FGF2: variants seen among roughly 807,000 people sequenced by gnomAD.
FGF2 encodes the protein fibroblast growth factor 2, also known as basic fibroblast growth factor bFGF.
FGF2 carries 13 observed loss-of-function variants against 15.9 expected under a neutral mutation model. That is an observed-to-expected ratio of 0.82 (90% CI 0.53 to 1.30). The LOEUF (loss-of-function observed/expected upper bound fraction) is 1.30. Among genes scored for constraint, FGF2 ranks in the 50% most tolerant of loss-of-function variants. FGF2 has a pLI of 0.00. For missense variants in FGF2, 163 were observed against 196.9 expected, an observed-to-expected ratio of 0.83 and a Z score of 1.03; for synonymous variants, 90 against 78.4, an observed-to-expected ratio of 1.15 and a Z score of -0.78.
intron 2 of FGF2, among the ~76,000 whole-genome samples, chr4:122,880,372 G>A (rs951135616): frequency 3.3e-5 from 5 of 150,452 alleles, no homozygotes; most frequent in South Asian, 2.1e-4. Flanking sequence ...TCAGCCTCCC[G>A]AGCAGCTGAG....
rs45449199 is a variant in FGF2 at position 122,876,827 on chromosome 4, C to T, written c.282+403C>T. Among the ~76,000 whole-genome samples, 1,073 of 152,312 alleles carry T rather than the reference C, an allele frequency of 7.0e-3. 11 individuals are homozygous for T. The highest frequency in any genetic ancestry group is 0.013 in the Non-Finnish European group (871 of 68,024). The stretch of plus-strand genomic sequence containing the variant: ...TCTTTAGAATGTGACGTACAAAACA[C>T]TAGCAATGTAGAACACTAGTTGAGA... On this transcript the variant is annotated intron_variant, in intron 2 of 2. Coordinates refer to ENST00000644866, the MANE Select transcript of FGF2 (RefSeq NM_001361665.2).
chr4:122,893,411 T>G lies in FGF2; in HGVS notation c.*1015T>G. On this transcript the variant is annotated 3_prime_UTR_variant, in exon 3 of 3. Transcript: ENST00000644866. ...ATCCCAAAATATTTTCTTACCACTG[T>G]AAATTCAAGAAGCTTTTGAAATGCT... 1 of 504,898 alleles carries G rather than the reference T, an allele frequency of 2.0e-6. No individual in the cohort carries two copies. The highest frequency in any genetic ancestry group is 4.7e-5 in the South Asian group (1 of 21,122). 31.3% of individuals were successfully genotyped at this position (504,898 alleles called of 1,614,324 possible).
chr4:122,827,065 G>A lies in FGF2; in HGVS notation c.-110G>A. The A allele has an allele frequency of 9.0e-7, 1 of 1,111,790 alleles. No homozygotes were observed. Among genetic ancestry groups the A allele is most frequent in the Non-Finnish European group, 1.1e-6 (1 of 912,490 alleles). 68.9% of individuals were successfully genotyped at this position (1,111,790 alleles called of 1,614,324 possible). A position where few individuals can be genotyped will look rare whatever the true frequency, so the allele number is the denominator to read the frequency against. On this transcript the variant is annotated 5_prime_UTR_variant, in exon 1 of 3. Coordinates refer to ENST00000644866, the MANE Select transcript of FGF2 (RefSeq NM_001361665.2). The surrounding 1 kb of genome is among the most constrained non-coding windows in gnomAD (Gnocchi z 4.2). ...CCGGGCGGGAGGCTGGGGGGCCGGG[G>A]CCGGGGCCGTGCCCCGGAGCGGGTC...
chr4:122,892,490 C>T lies in FGF2; in HGVS notation c.*94C>T. 1.3e-6 allele frequency: 2 copies of T among 1,573,348 alleles called. No individual in the cohort carries two copies. The highest frequency in any genetic ancestry group is 8.6e-7 in the Non-Finnish European group (1 of 1,157,616). ...AGTAAAAGAAAATAAATGTGTATAG[C>T]TCAGTTTGGATAATTGGTCAAACAA... On this transcript the variant is annotated 3_prime_UTR_variant, in exon 3 of 3. Transcript: ENST00000644866.
chr4:122,873,336 G>T (rs1578473496), intron 1 of FGF2, among the ~76,000 whole-genome samples: 1 of 152,332 alleles, frequency 6.6e-6, no homozygotes, highest in East Asian at 1.9e-4. Context: ...TTCTGCAAAG[G>T]CCCAGTGTAC....
In FGF2 at chr4:122,893,407, A is replaced by G. The variant is rs1578485211; in HGVS notation, c.*1011A>G. ...AGAAATCCCAAAATATTTTCTTACC[A>G]CTGTAAATTCAAGAAGCTTTTGAAA... On this transcript the variant is annotated 3_prime_UTR_variant, in exon 3 of 3. Coordinates refer to ENST00000644866, the MANE Select transcript of FGF2 (RefSeq NM_001361665.2). 1.2e-5 allele frequency: 6 copies of G among 514,302 alleles called. No homozygotes were observed. The East Asian group carries it at 1.6e-4, about 14-fold the overall frequency. 31.9% of individuals were successfully genotyped at this position (514,302 alleles called of 1,614,324 possible). A position where few individuals can be genotyped will look rare whatever the true frequency, so the allele number is the denominator to read the frequency against.
chr4:122,888,388 C>T (rs908288318), intron 2 of FGF2, among the ~76,000 whole-genome samples: 2 of 152,080 alleles, frequency 1.3e-5, no homozygotes, highest in Admixed American at 6.6e-5. Flanking sequence ...GTCTTGGCAG[C>T]GAGAATAATC....
At chr4:122,867,476 C>CA (rs1332401276) in intron 1 of FGF2, among the ~76,000 whole-genome samples, 2 of 152,128 alleles carry the variant, frequency 1.3e-5, no homozygotes, top group Non-Finnish European at 2.9e-5. Flanking sequence ...GATGGCTTCC[C>CA]AAGCTGGCAG....
In FGF2 at chr4:122,869,606, C is replaced by T. The variant is rs189056516; in HGVS notation, c.179-6715C>T. On this transcript the variant is annotated intron_variant, in intron 1 of 2. Coordinates refer to ENST00000644866, the MANE Select transcript of FGF2 (RefSeq NM_001361665.2). ...TTATTCTCTTTGTAACGATTGTGAACGGGAGTTCATTCATGATTTGGCTCT... is the reference window on the plus strand; with the variant it reads ...TTATTCTCTTTGTAACGATTGTGAATGGGAGTTCATTCATGATTTGGCTCT... Among the ~76,000 whole-genome samples, 1,347 of 152,096 alleles carry T rather than the reference C, an allele frequency of 8.9e-3. 7 individuals carry two copies. The highest frequency in any genetic ancestry group is 0.071 in the Middle Eastern group (21 of 294).
At chr4:122,843,246 A>AT in intron 1 of FGF2, among the ~76,000 whole-genome samples, 1 of 152,322 alleles carries the variant, frequency 6.6e-6, no homozygotes, top group South Asian at 2.1e-4. Context: ...AATCAAGTAG[A>AT]TGTTTGCCAG....
rs1288575186 is a variant in FGF2 at position 122,898,048 on chromosome 4, TA to T, written c.*5654del. 1 of 173,576 alleles carries T rather than the reference TA, an allele frequency of 5.8e-6. No individual in the cohort carries two copies. Among genetic ancestry groups the T allele is most frequent in the Non-Finnish European group, 1.2e-5 (1 of 82,106 alleles). The allele number at this position is 173,576 out of a possible 1,614,324, so 10.8% of individuals were successfully genotyped here. On this transcript the variant is annotated 3_prime_UTR_variant, in exon 3 of 3. Coordinates refer to ENST00000644866, the MANE Select transcript of FGF2 (RefSeq NM_001361665.2). ...AGAATCTTACAGATGCTGCTATAAA[TA>T]AGTAGAAAATATAAATTTCATCACT...
chr4:122,866,361 C>A (rs1439250725), intron 1 of FGF2, among the ~76,000 whole-genome samples: 4 of 112,394 alleles, frequency 3.6e-5, no homozygotes, highest in African/African-American at 8.4e-5. Flanking sequence ...GAGCGAGACT[C>A]CGTCTCAAAA....
intron 2 of FGF2, among the ~76,000 whole-genome samples, chr4:122,881,252 T>A (rs1726955673): frequency 6.6e-6 from 1 of 152,180 alleles, no homozygotes; most frequent in Non-Finnish European, 1.5e-5. Context: ...TTTTCCTCAT[T>A]GTCTTGGTGA....
chr4:122,876,139 C>T (rs769028068), intron 1 of FGF2, among the ~76,000 whole-genome samples, 182 bp from the exon 2 acceptor site: 5 of 152,108 alleles, frequency 3.3e-5, no homozygotes, highest in Admixed American at 2.0e-4. Flanking sequence ...TGCATCTCAT[C>T]CTCTCTCATA....
chr4:122,888,519 C>T (rs1021607127), intron 2 of FGF2, among the ~76,000 whole-genome samples: 1 of 152,186 alleles, frequency 6.6e-6, no homozygotes, highest in Admixed American at 6.5e-5. Context: ...TCTGCCCCCT[C>T]TCCCATCCCA....
At chr4:122,852,508 C>T (rs950460127) in intron 1 of FGF2, among the ~76,000 whole-genome samples, 1 of 152,202 alleles carries the variant, frequency 6.6e-6, no homozygotes, top group Non-Finnish European at 1.5e-5. Flanking sequence ...GGAAGAGCTA[C>T]AGAAGATATA....
intron 1 of FGF2, among the ~76,000 whole-genome samples, chr4:122,840,842 T>A (rs1725968912): frequency 6.6e-6 from 1 of 152,120 alleles, no homozygotes; most frequent in African/African-American, 2.4e-5. Context: ...ATGTTTCAAG[T>A]CTGTAAAAAT....
intron 1 of FGF2, among the ~76,000 whole-genome samples, chr4:122,862,142 C>T (rs1206409714): frequency 1.3e-5 from 2 of 152,178 alleles, no homozygotes; most frequent in Non-Finnish European, 2.9e-5. Context: ...TAGCACAGTA[C>T]CTGGCACATA....
chr4:122,869,504 T>C (rs755604735), intron 1 of FGF2, among the ~76,000 whole-genome samples: 1 of 152,218 alleles, frequency 6.6e-6, no homozygotes, highest in Non-Finnish European at 1.5e-5. Flanking sequence ...CATTCTCTCT[T>C]ATTTCCTTGA....
Sources: gnomAD v4.1 joint callset for allele counts (sites outside exome capture counted in the v4.1 genomes callset) on GRCh38, gnomAD v4.1.1 for gene constraint, Gnocchi (gnomAD v3.1) non-coding constraint, MANE v1.5 for transcripts, NCBI Gene and HGNC (gene_info 2026-07-23, HGNC 2026-07-21) for gene names.